The following CDKAL1 variants were observed in gnomAD, a reference collection of about 807,000 sequenced individuals.
CDKAL1 encodes the protein threonylcarbamoyladenosine tRNA methylthiotransferase.
Under a neutral mutation model 68.2 loss-of-function variants are expected in CDKAL1, and 32 were observed. The ratio of observed to expected loss-of-function variants is 0.47; its 90% CI spans 0.35 to 0.63. The LOEUF (loss-of-function observed/expected upper bound fraction) is 0.63, where lower values mean the gene tolerates loss of function less well. Ranked by LOEUF, CDKAL1 falls within the 30% of genes least tolerant of loss-of-function variation. CDKAL1 has a pLI of 0.00. For synonymous variants in CDKAL1, 234 were observed against 244.3 expected, an observed-to-expected ratio of 0.96 and a Z score of 0.39; for missense variants, 606 against 696.7, an observed-to-expected ratio of 0.87 and a Z score of 1.47.
intron 15 of CDKAL1, among the ~76,000 whole-genome samples, chr6:21,214,798 T>C (rs938165429): frequency 2.6e-5 from 4 of 152,190 alleles, no homozygotes; most frequent in Non-Finnish European, 5.9e-5. Flanking sequence ...GCTGAGACTT[T>C]ACTTCATTCA....
intron 5 of CDKAL1, among the ~76,000 whole-genome samples, chr6:20,654,822 A>T (rs1034304274): frequency 1.3e-5 from 2 of 151,944 alleles, no homozygotes; most frequent in African/African-American, 4.8e-5. Context: ...CTATTTCTTT[A>T]TTCTGGTTCT....
At chr6:20,861,921 A>G (rs532774050) in intron 9 of CDKAL1, among the ~76,000 whole-genome samples, 218 of 152,316 alleles carry the variant, frequency 1.4e-3, no homozygotes, top group Middle Eastern at 3.4e-3. Context: ...CAGCCACCAC[A>G]TTGATCAAAT....
intron 11 of CDKAL1, among the ~76,000 whole-genome samples, chr6:21,063,246 T>C (rs1771242817): frequency 6.6e-6 from 1 of 152,214 alleles, no homozygotes. Flanking sequence ...AAGTTGATAT[T>C]CTATGTTTTG....
At chr6:20,968,078 G>T (rs558898677) in intron 10 of CDKAL1, among the ~76,000 whole-genome samples, 2 of 151,442 alleles carry the variant, frequency 1.3e-5, no homozygotes, top group African/African-American at 4.8e-5. Context: ...TCTGGGTGTA[G>T]ATCTCTTTGA....
At chr6:20,586,694 C>A (rs906546087) in intron 4 of CDKAL1, among the ~76,000 whole-genome samples, 1 of 152,080 alleles carries the variant, frequency 6.6e-6, no homozygotes, top group African/African-American at 2.4e-5. Flanking sequence ...AGCCACTGGC[C>A]ATGTGTCTGT....
intron 5 of CDKAL1, among the ~76,000 whole-genome samples, chr6:20,733,867 G>A (rs1311106000): frequency 6.6e-6 from 1 of 152,022 alleles, no homozygotes; most frequent in Non-Finnish European, 1.5e-5. Flanking sequence ...ATTTTGTACA[G>A]GCCGGGCATG....
At chr6:21,018,611 A>C (rs1768466686) in intron 11 of CDKAL1, among the ~76,000 whole-genome samples, 1 of 152,224 alleles carries the variant, frequency 6.6e-6, no homozygotes, top group African/African-American at 2.4e-5. Context: ...ATAAAATTGA[A>C]GCATTGCCTA....
intron 4 of CDKAL1, among the ~76,000 whole-genome samples, chr6:20,635,721 A>G (rs1767876671): frequency 1.3e-5 from 2 of 152,214 alleles, no homozygotes; most frequent in Non-Finnish European, 2.9e-5. Context: ...CTGCTGGGAA[A>G]AGGGAGGAAA....
intron 13 of CDKAL1, among the ~76,000 whole-genome samples, chr6:21,175,779 G>A (rs1470953931): frequency 6.6e-6 from 1 of 152,224 alleles, no homozygotes; most frequent in East Asian, 1.9e-4. Context: ...ATTTCATATT[G>A]ATTTAGCAAA....
chr6:20,646,936 G>T (rs1581889365), intron 4 of CDKAL1, among the ~76,000 whole-genome samples: 1 of 152,140 alleles, frequency 6.6e-6, no homozygotes, highest in South Asian at 2.1e-4. Flanking sequence ...GTAGAGATGG[G>T]GTTTCATCAT....
chr6:21,214,676 C>T (rs1779278941), intron 15 of CDKAL1, among the ~76,000 whole-genome samples: 2 of 152,154 alleles, frequency 1.3e-5, no homozygotes, highest in Admixed American at 1.3e-4. Flanking sequence ...CAACCTAGTA[C>T]TTCCTATTCT....
chr6:20,647,173 A>G (rs1768512681), intron 4 of CDKAL1, among the ~76,000 whole-genome samples: 1 of 152,218 alleles, frequency 6.6e-6, no homozygotes, highest in Admixed American at 6.5e-5. Flanking sequence ...TTTGAAATTC[A>G]ACATTCATTC....
intron 8 of CDKAL1, among the ~76,000 whole-genome samples, chr6:20,813,269 G>A (rs533784274): frequency 5.3e-5 from 8 of 152,214 alleles, no homozygotes; most frequent in African/African-American, 1.9e-4. Context: ...TTTAGGTTGA[G>A]TGCCTACTCA....
chr6:20,776,664 G>T (rs796716276), intron 7 of CDKAL1, among the ~76,000 whole-genome samples: 1 of 152,128 alleles, frequency 6.6e-6, no homozygotes, highest in Non-Finnish European at 1.5e-5. Context: ...GATGGCATGA[G>T]GAGGTCAACA....
intron 10 of CDKAL1, among the ~76,000 whole-genome samples, chr6:20,956,205 T>G (rs1260210560): frequency 6.6e-6 from 1 of 152,234 alleles, no homozygotes; most frequent in Non-Finnish European, 1.5e-5. Context: ...TGTTTTTCAC[T>G]TATCAACATA....
chr6:21,133,271 A>T (rs1242981022), intron 13 of CDKAL1, among the ~76,000 whole-genome samples: 2 of 152,232 alleles, frequency 1.3e-5, no homozygotes, highest in African/African-American at 4.8e-5. Context: ...TGTTTGACAG[A>T]TACTGTCATC....
intron 5 of CDKAL1, among the ~76,000 whole-genome samples, chr6:20,700,490 G>A (rs191990431): frequency 1.2e-4 from 18 of 152,188 alleles, no homozygotes; most frequent in Non-Finnish European, 2.2e-4. Context: ...GAAAGTCATT[G>A]TTTCAGGATT....
intron 15 of CDKAL1, among the ~76,000 whole-genome samples, chr6:21,218,800 A>C (rs1395447779): frequency 6.6e-6 from 1 of 152,202 alleles, no homozygotes; most frequent in Non-Finnish European, 1.5e-5. Context: ...ATTTATGTTG[A>C]GCATTAGAAG....
chr6:20,622,289 C>T (rs1207622476), intron 4 of CDKAL1, among the ~76,000 whole-genome samples: 1 of 151,724 alleles, frequency 6.6e-6, no homozygotes, highest in Non-Finnish European at 1.5e-5. Context: ...CACAAGTTTC[C>T]CCTACCCCAA....
Sources: gnomAD v4.1 joint callset for allele counts (sites outside exome capture counted in the v4.1 genomes callset) on GRCh38, gnomAD v4.1.1 for gene constraint, MANE v1.5 for transcripts, NCBI Gene and HGNC (gene_info 2026-07-23, HGNC 2026-07-21) for gene names.